Variants in DLG2 observed in about 807,000 individuals in gnomAD.
DLG2 encodes the protein discs large MAGUK scaffold protein 2.
DLG2 carries 45 observed loss-of-function variants against 132.5 expected under a neutral mutation model. The observed-to-expected ratio is 0.34, with a 90% CI of 0.27 to 0.44. The LOEUF (loss-of-function observed/expected upper bound fraction) is 0.44. DLG2 is among the 20% of genes least tolerant of loss of function. DLG2 has a pLI of 1.00. For missense variants in DLG2, 1,045 were observed against 1,196.9 expected, an observed-to-expected ratio of 0.87 and a Z score of 1.87; for synonymous variants, 424 against 419.6, an observed-to-expected ratio of 1.01 and a Z score of -0.13.
intron 6 of DLG2, among the ~76,000 whole-genome samples, chr11:84,785,200 AT>A (rs2072655074): frequency 6.6e-6 from 1 of 152,040 alleles, no homozygotes; most frequent in Non-Finnish European, 1.5e-5. Flanking sequence ...GGATCTCCTC[AT>A]TCTATCACTC....
At chr11:85,000,903 A>G (rs1172796135) in intron 6 of DLG2, among the ~76,000 whole-genome samples, 1 of 152,146 alleles carries the variant, frequency 6.6e-6, no homozygotes, top group African/African-American at 2.4e-5. Flanking sequence ...GTTATGTAAT[A>G]TAAGTAGATG....
rs908119518 is a variant in DLG2, at chr11:84,182,787, T to C, written c.574-19276A>G. ...GAAAATTGAAAACAGAAAATCAGTATAGAAAATCAACAAAATATTGGCTAT... is the reference window on the plus strand; with the variant it reads ...GAAAATTGAAAACAGAAAATCAGTACAGAAAATCAACAAAATATTGGCTAT... On this transcript the variant is annotated intron_variant, in intron 8 of 27. Transcript: ENST00000376104. 3.9e-5 allele frequency among the ~76,000 whole-genome samples: 6 copies of C among 152,016 alleles called. No homozygotes were observed. In the East Asian group the frequency reaches 7.7e-4, roughly 20 times the overall value.
chr11:84,193,822 A>G (rs1279867218), intron 8 of DLG2, among the ~76,000 whole-genome samples: 2 of 152,220 alleles, frequency 1.3e-5, no homozygotes, highest in Non-Finnish European at 2.9e-5. Context: ...AAGCTTGTAC[A>G]ACTTTTGGAT....
At chr11:83,571,217 T>C (rs2096790583) in intron 19 of DLG2, among the ~76,000 whole-genome samples, 3 of 152,266 alleles carry the variant, frequency 2.0e-5, no homozygotes, top group South Asian at 2.1e-4. Context: ...GTTTTTTTCT[T>C]TTTGAAATAC....
At chr11:85,357,532 CT>C (rs1156961758) in intron 3 of DLG2, among the ~76,000 whole-genome samples, 1 of 142,834 alleles carries the variant, frequency 7.0e-6, no homozygotes, top group Non-Finnish European at 1.5e-5. Flanking sequence ...TGTTTTTATT[CT>C]TATCTATGAC....
intron 9 of DLG2, among the ~76,000 whole-genome samples, chr11:84,113,151 C>CA (rs1203145401): frequency 2.6e-5 from 4 of 152,014 alleles, no homozygotes; most frequent in Admixed American, 6.6e-5. Flanking sequence ...TACACTCACA[C>CA]AAAAAATTAA....
At chr11:84,682,568 G>A (rs1230196751) in intron 6 of DLG2, among the ~76,000 whole-genome samples, 1 of 152,164 alleles carries the variant, frequency 6.6e-6, no homozygotes, top group Admixed American at 6.5e-5. Context: ...TGTGGTTGCT[G>A]AATAGAGCTG....
At chr11:84,334,056 C>T (rs1026045441) in intron 7 of DLG2, among the ~76,000 whole-genome samples, 2 of 152,104 alleles carry the variant, frequency 1.3e-5, no homozygotes, top group African/African-American at 4.8e-5. Context: ...GGCACATCCT[C>T]ATAATATGCA....
chr11:84,839,482 G>T (rs551870494), intron 6 of DLG2, among the ~76,000 whole-genome samples: 1 of 151,998 alleles, frequency 6.6e-6, no homozygotes, highest in South Asian at 2.1e-4. Flanking sequence ...TCACAGAATC[G>T]GAAAAAACTA....
In DLG2 at chr11:84,861,618, C is replaced by CAAAAAAAAAAAAAAAAA. The variant is rs1177657034; in HGVS notation, c.357+250026_357+250042dup. Among the ~76,000 whole-genome samples the CAAAAAAAAAAAAAAAAA allele has an allele frequency of 6.7e-4, 24 of 35,826 alleles. 2 individuals are homozygous for CAAAAAAAAAAAAAAAAA. The highest frequency in any genetic ancestry group is 2.2e-3 in the African/African-American group (17 of 7,784). The allele number at this position is 35,826 out of a possible 152,430, so 23.5% of individuals were successfully genotyped here. A position where few individuals can be genotyped will look rare whatever the true frequency, so the allele number is the denominator to read the frequency against. Reference sequence around the variant, plus strand: ...ATTAAACTAAAGAGCTTCTACACAGCAAAAAAAAAAAAAAAAAAAAACAAA... The same window carrying CAAAAAAAAAAAAAAAAA: ...ATTAAACTAAAGAGCTTCTACACAGCAAAAAAAAAAAAAAAAAAAAAAAAAAAAAAAAAAAAAACAAA... On this transcript the variant is annotated intron_variant, in intron 6 of 27. Coordinates refer to ENST00000376104, the MANE Select transcript of DLG2 (RefSeq NM_001142699.3).
At chr11:85,409,447 A>G (rs544766900) in intron 3 of DLG2, among the ~76,000 whole-genome samples, 9 of 152,066 alleles carry the variant, frequency 5.9e-5, no homozygotes, top group African/African-American at 2.2e-4. Context: ...AAGCATTAAA[A>G]TAACAAATGC....
At chr11:85,613,282 C>A (rs2081126239) in intron 2 of DLG2, among the ~76,000 whole-genome samples, 1 of 152,166 alleles carries the variant, frequency 6.6e-6, no homozygotes, top group Non-Finnish European at 1.5e-5. Flanking sequence ...ATGAGCTCAA[C>A]TAACAACTTC....
At chr11:83,584,931 T>C (rs914165431) in intron 19 of DLG2, among the ~76,000 whole-genome samples, 17 of 152,236 alleles carry the variant, frequency 1.1e-4, no homozygotes, top group Admixed American at 6.5e-5. Flanking sequence ...ACATGATTCC[T>C]GCCTTCAAGT....
chr11:85,464,846 A>T (rs1028508280), intron 3 of DLG2, among the ~76,000 whole-genome samples: 1 of 151,592 alleles, frequency 6.6e-6, no homozygotes, highest in Non-Finnish European at 1.5e-5. Context: ...AGGCCGAGGC[A>T]GGTGAATCAC....
intron 11 of DLG2, among the ~76,000 whole-genome samples, chr11:84,032,749 C>T (rs1348754053): frequency 6.6e-6 from 1 of 152,152 alleles, no homozygotes; most frequent in African/African-American, 2.4e-5. Flanking sequence ...ATGCCTAGCT[C>T]CAAGCCTTCA....
chr11:84,728,229 T>C (rs1259879464), intron 6 of DLG2, among the ~76,000 whole-genome samples: 3 of 152,192 alleles, frequency 2.0e-5, no homozygotes, highest in South Asian at 2.1e-4. Context: ...TGTGGGTTTG[T>C]CATAAATACC....
At chr11:84,213,010 C>G (rs182209065) in intron 8 of DLG2, among the ~76,000 whole-genome samples, 1 of 152,268 alleles carries the variant, frequency 6.6e-6, no homozygotes, top group East Asian at 1.9e-4. Context: ...TCTGAAAATC[C>G]ATGCTGCCAC....
At chr11:85,319,660 A>T (rs2080917465) in intron 3 of DLG2, among the ~76,000 whole-genome samples, 2 of 151,910 alleles carry the variant, frequency 1.3e-5, no homozygotes, top group South Asian at 4.1e-4. Context: ...GAATAGTTTG[A>T]AAATTTAAAG....
intron 7 of DLG2, among the ~76,000 whole-genome samples, chr11:84,488,250 C>T (rs374676226): frequency 9.9e-5 from 15 of 152,012 alleles, no homozygotes; most frequent in Non-Finnish European, 1.8e-4. Flanking sequence ...TACCAATAGA[C>T]GTGGAAAGAC....
Sources: allele counts gnomAD v4.1 joint callset (sites outside exome capture counted in the v4.1 genomes callset), GRCh38; gene constraint gnomAD v4.1.1; transcripts MANE v1.5; gene names NCBI Gene and HGNC (gene_info 2026-07-23, HGNC 2026-07-21).